DIAPH3: variants seen among roughly 807,000 people sequenced by gnomAD.
DIAPH3 encodes the protein diaphanous related formin 3.
DIAPH3 carries 117 observed loss-of-function variants against 144.3 expected under a neutral mutation model. The observed-to-expected ratio is 0.81, with a 90% CI of 0.70 to 0.95. The LOEUF is 0.95. Ranked by LOEUF, DIAPH3 falls within the 40% of genes least tolerant of loss-of-function variation. The pLI, the probability that DIAPH3 is intolerant of heterozygous loss-of-function variation, is 0.00. For missense variants in DIAPH3, 1,421 were observed against 1,412.7 expected (o/e 1.01, Z -0.09); for synonymous variants, 519 against 488.9 (o/e 1.06, Z -0.81).
At chr13:59,867,529 A>T (rs1406373619) in intron 21 of DIAPH3, among the ~76,000 whole-genome samples, 2 of 152,170 alleles carry the variant, frequency 1.3e-5, no homozygotes, top group African/African-American at 4.8e-5. Context: ...AAATTAAAAC[A>T]TTAAGTGACC....
rs1214340343 is a variant in DIAPH3 at position 60,027,612 on chromosome 13, G to T, written c.627-11467C>A. ...TTCTTGACCTTTAGATGAAAAAACA[G>T]TAAAACAAGTATGGATTTTAAAACA... On this transcript the variant is annotated intron_variant, in intron 5 of 27. Coordinates refer to ENST00000400324, the MANE Select transcript of DIAPH3 (RefSeq NM_001042517.2). 2.6e-5 allele frequency among the ~76,000 whole-genome samples: 4 copies of T among 152,120 alleles called. No homozygotes were observed. In the South Asian group the frequency reaches 8.3e-4, roughly 32 times the overall value.
At chr13:59,799,760 T>G (rs1049748522) in intron 25 of DIAPH3, among the ~76,000 whole-genome samples, 3 of 152,212 alleles carry the variant, frequency 2.0e-5, no homozygotes, top group African/African-American at 7.2e-5. Context: ...CAGCTCACTG[T>G]AAAAGATATT....
chr13:59,713,626 A>AGGGCAGCTGTT (rs2034871589), intron 27 of DIAPH3, among the ~76,000 whole-genome samples: 1 of 151,540 alleles, frequency 6.6e-6, no homozygotes, highest in African/African-American at 2.4e-5. Flanking sequence ...TATTTGAGGA[A>AGGGCAGCTGTT]GGGGAGCTAT....
chr13:60,069,385 T>G (rs1275519971), intron 4 of DIAPH3, among the ~76,000 whole-genome samples: 4 of 152,134 alleles, frequency 2.6e-5, no homozygotes, highest in African/African-American at 9.7e-5. Context: ...AGACCTTTGT[T>G]GGATGCATAG....
At chr13:59,918,875 A>G (rs996363393) in intron 18 of DIAPH3, among the ~76,000 whole-genome samples, 5 of 151,506 alleles carry the variant, frequency 3.3e-5, no homozygotes, top group African/African-American at 1.2e-4. Flanking sequence ...AGAGATGGAC[A>G]TGTATGAACT....
chr13:59,961,103 G>C (rs1157975390), intron 17 of DIAPH3, among the ~76,000 whole-genome samples: 1 of 152,198 alleles, frequency 6.6e-6, no homozygotes, highest in African/African-American at 2.4e-5. Flanking sequence ...TCATGATTTA[G>C]AAAGTTTCAC....
At chr13:60,058,542 T>G (rs2056643044) in intron 4 of DIAPH3, among the ~76,000 whole-genome samples, 1 of 152,002 alleles carries the variant, frequency 6.6e-6, no homozygotes, top group Non-Finnish European at 1.5e-5. Flanking sequence ...CAAATCACTT[T>G]ATCAGAAAGA....
At chr13:59,783,572 A>G (rs1384192896) in intron 25 of DIAPH3, among the ~76,000 whole-genome samples, 4 of 152,246 alleles carry the variant, frequency 2.6e-5, no homozygotes, top group Non-Finnish European at 5.9e-5. Context: ...GAGTACAAGC[A>G]TAGTAAAGTG....
intron 4 of DIAPH3, among the ~76,000 whole-genome samples, chr13:60,074,420 G>A (rs1398143520): frequency 1.3e-5 from 2 of 152,164 alleles, no homozygotes; most frequent in Non-Finnish European, 2.9e-5. Context: ...CACTCCAGAA[G>A]ATTGACGTGA....
intron 24 of DIAPH3, among the ~76,000 whole-genome samples, chr13:59,814,398 T>C (rs542680872): frequency 3.7e-4 from 57 of 152,324 alleles, no homozygotes; most frequent in African/African-American, 1.3e-3. Context: ...AAACATACCA[T>C]ATTCTCATAT....
chr13:59,713,239 T>C (rs374089038), intron 27 of DIAPH3, among the ~76,000 whole-genome samples: 3 of 116,540 alleles, frequency 2.6e-5, no homozygotes, highest in East Asian at 2.2e-4. Context: ...AATCTGAAGG[T>C]TTTTTTTTTT....
Position 59,666,183 on chromosome 13 carries a change from A to C in DIAPH3, c.*401T>G, listed in dbSNP as rs2031995632. 5.6e-6 allele frequency: 1 copy of C among 177,832 alleles called. No individual in the cohort carries two copies. Among genetic ancestry groups the C allele is most frequent in the South Asian group, 1.3e-4 (1 of 7,528 alleles). The allele number at this position is 177,832 out of a possible 1,614,324, so 11.0% of individuals were successfully genotyped here. ...ATATACATGGATATGTAAAGACTTG[A>C]GGTTGATGACCTGACATCCATTAAT... On this transcript the variant is annotated 3_prime_UTR_variant, in exon 28 of 28. Coordinates refer to ENST00000400324, the MANE Select transcript of DIAPH3 (RefSeq NM_001042517.2).
chr13:59,819,378 T>C (rs951736228), intron 24 of DIAPH3, among the ~76,000 whole-genome samples: 10 of 151,878 alleles, frequency 6.6e-5, no homozygotes, highest in African/African-American at 2.4e-4. Context: ...GAGATTTCCC[T>C]AATTTTCTCA....
At chr13:59,886,564 C>A (rs961017212) in intron 20 of DIAPH3, among the ~76,000 whole-genome samples, 1 of 152,012 alleles carries the variant, frequency 6.6e-6, no homozygotes, top group African/African-American at 2.4e-5. Context: ...GAAATGAAAT[C>A]TTAACAATAC....
intron 1 of DIAPH3, among the ~76,000 whole-genome samples, chr13:60,162,809 TCACACACACACACACA>T (rs35687460): frequency 8.2e-6 from 1 of 122,424 alleles, no homozygotes. Context: ...TCTCTCTCTC[TCACACACACACACACA>T]CACACACACA....
intron 27 of DIAPH3, among the ~76,000 whole-genome samples, chr13:59,719,203 C>T (rs562412508): frequency 3.9e-5 from 6 of 152,084 alleles, no homozygotes; most frequent in African/African-American, 7.2e-5. Flanking sequence ...AATAAAATGT[C>T]GTGCTTGAAA....
At chr13:60,098,472 C>A (rs2058173125) in intron 3 of DIAPH3, among the ~76,000 whole-genome samples, 1 of 152,018 alleles carries the variant, frequency 6.6e-6, no homozygotes, top group Admixed American at 6.5e-5. Flanking sequence ...GGCATGGGTG[C>A]ACCAGCCTGG....
intron 27 of DIAPH3, among the ~76,000 whole-genome samples, chr13:59,703,447 CTT>C (rs2034228260): frequency 6.6e-6 from 1 of 152,164 alleles, no homozygotes; most frequent in Non-Finnish European, 1.5e-5. Context: ...TATACAGCAT[CTT>C]TTTTTGCTCT....
chr13:59,710,042 C>A (rs1803191197), intron 27 of DIAPH3, among the ~76,000 whole-genome samples: 1 of 150,500 alleles, frequency 6.6e-6, no homozygotes, highest in African/African-American at 2.5e-5. Flanking sequence ...GGGAATTGAA[C>A]AATGAGAACA....
Sources: gnomAD v4.1 joint callset for allele counts (sites outside exome capture counted in the v4.1 genomes callset) on GRCh38, gnomAD v4.1.1 for gene constraint, MANE v1.5 for transcripts, NCBI Gene and HGNC (gene_info 2026-07-23, HGNC 2026-07-21) for gene names.